The following STK32C variants were observed in gnomAD, a reference collection of about 807,000 sequenced individuals.
The protein encoded by STK32C is serine/threonine-protein kinase 32C.
STK32C carries 31 observed loss-of-function variants against 56.5 expected under a neutral mutation model. That is an observed-to-expected ratio of 0.55 (90% CI 0.41 to 0.74). The LOEUF is 0.74. Ranked by LOEUF, STK32C falls within the 30% of genes least tolerant of loss-of-function variation. The probability of loss-of-function intolerance (pLI) is 0.00; values close to 1 mark genes in which losing one functional copy is unlikely to be tolerated. For missense variants in STK32C, 544 were observed against 676.9 expected (o/e 0.80, Z 2.18); for synonymous variants, 309 against 289.4 (o/e 1.07, Z -0.69).
intron 1 of STK32C, among the ~76,000 whole-genome samples, chr10:132,276,463 C>T (rs1164986950): frequency 6.6e-6 from 1 of 152,286 alleles, no homozygotes; most frequent in Admixed American, 6.5e-5. Context: ...GCACTCAGAG[C>T]ATCTGCATCC....
downstream of STK32C, among the ~76,000 whole-genome samples, chr10:132,319,892 A>ATT (rs1332064904): frequency 1.4e-5 from 2 of 145,282 alleles, no homozygotes; most frequent in Non-Finnish European, 1.5e-5. Context: ...CCTTAGATGG[A>ATT]TTTTTTTTTT....
rs1465272685 is a variant in STK32C at position 132,222,947 on chromosome 10, G to A, written c.1033C>T (p.Gln345Ter). The A allele has an allele frequency of 6.4e-7, 1 of 1,553,644 alleles. No homozygotes were observed. The highest frequency in any genetic ancestry group is 8.7e-7 in the Non-Finnish European group (1 of 1,152,862). ...AGCGCCGGGGCTGCCTGCACGTCCT[G>A]GAGGCTGGAGAGCCGGTGCTCGGGG... is the stretch of plus-strand genomic sequence containing the variant. ...VNPEHRLSSL[Q>*]DVQAAPALAG... Residue 345 changes from glutamine to a stop codon, truncating the protein, a stop_gained, in exon 9 of 12, where the codon CAG becomes TAG. Transcript: ENST00000298630. LOFTEE classifies it high-confidence loss of function.
At chr10:132,298,450 C>G (rs1012117864) in intron 1 of STK32C, among the ~76,000 whole-genome samples, 2 of 152,246 alleles carry the variant, frequency 1.3e-5, no homozygotes, top group Non-Finnish European at 2.9e-5. Flanking sequence ...GTCCACAGGT[C>G]CCACGGCAGC....
chr10:132,284,329 G>A (rs191927762), intron 1 of STK32C, among the ~76,000 whole-genome samples: 2 of 34,882 alleles, frequency 5.7e-5, no homozygotes, highest in Non-Finnish European at 1.2e-4. Flanking sequence ...GTGAGGTTGG[G>A]GGGGCAGGTG....
At chr10:132,262,080 T>C (rs993123654) in intron 1 of STK32C, among the ~76,000 whole-genome samples, 7 of 152,152 alleles carry the variant, frequency 4.6e-5, no homozygotes, top group African/African-American at 1.7e-4. Flanking sequence ...AGCATGGCAC[T>C]GGTACAAAAA....
intron 1 of STK32C, among the ~76,000 whole-genome samples, chr10:132,249,526 C>T (rs1018856364): frequency 7.9e-5 from 12 of 152,104 alleles, no homozygotes; most frequent in African/African-American, 2.9e-4. Context: ...TGGTCCCTGC[C>T]GGCCATGTCC....
chr10:132,275,794 T>A (rs1590359292), intron 1 of STK32C, among the ~76,000 whole-genome samples: 1 of 152,306 alleles, frequency 6.6e-6, no homozygotes. Context: ...AACTACAGCC[T>A]TCAGCGGAAA....
At chr10:132,271,304 C>T (rs909171317) in intron 1 of STK32C, among the ~76,000 whole-genome samples, 15 of 152,010 alleles carry the variant, frequency 9.9e-5, no homozygotes, top group East Asian at 1.9e-4. Context: ...CCTACAGCAA[C>T]GGTTCCCAGG....
At position 132,307,504 on chromosome 10, in the gene STK32C, A is replaced by C; in HGVS notation, c.262+68T>G. 2 of 1,463,478 alleles carry C rather than the reference A, an allele frequency of 1.4e-6. No individual in the cohort carries two copies. The highest frequency in any genetic ancestry group is 1.8e-6 in the Non-Finnish European group (2 of 1,103,146). 90.7% of individuals were successfully genotyped at this position (1,463,478 alleles called of 1,614,324 possible). On this transcript the variant is annotated intron_variant, in intron 1 of 11. Transcript: ENST00000298630. This position sits in a 1 kb window ranked among gnomAD's most constrained non-coding sequence, Gnocchi z 4.4. ...CACCGGGGGAACCCCTGCGGGAAAA[A>C]GCCGCCCAGCCGCGCCCGCCCCTGC...
intron 1 of STK32C, among the ~76,000 whole-genome samples, chr10:132,253,908 G>A (rs59021342): frequency 0.059 from 9,055 of 152,290 alleles, 748 homozygotes; most frequent in African/African-American, 0.19. Flanking sequence ...CCGCCTCTGC[G>A]TCTAGCACTC....
intron 1 of STK32C, among the ~76,000 whole-genome samples, chr10:132,325,322 A>G (rs1040546633): frequency 2.0e-5 from 3 of 152,100 alleles, no homozygotes; most frequent in Non-Finnish European, 4.4e-5. Flanking sequence ...AGAAGCCAAG[A>G]CGGGTGGATC....
At chr10:132,227,941 G>A in intron 3 of STK32C, 36 bp downstream of exon 3, 1 of 1,607,562 alleles carries the variant, frequency 6.2e-7, no homozygotes, top group African/African-American at 1.3e-5. Flanking sequence ...CTTCAGGACG[G>A]TAAGTCTTTC....
At chr10:132,231,149 C>T (rs1174328530) in intron 2 of STK32C, among the ~76,000 whole-genome samples, 1 of 152,260 alleles carries the variant, frequency 6.6e-6, no homozygotes, top group Non-Finnish European at 1.5e-5. Flanking sequence ...TCACACGCAT[C>T]CCATCACCCA....
chr10:132,303,134 G>A (rs1010282847), intron 1 of STK32C, among the ~76,000 whole-genome samples: 3 of 152,246 alleles, frequency 2.0e-5, no homozygotes, highest in African/African-American at 7.2e-5. Flanking sequence ...GGCGCAGCCT[G>A]CCTGGGGCTC....
Position 132,224,444 on chromosome 10 carries a change from G to C in STK32C, c.956C>G (p.Pro319Arg). 1 of 1,560,670 alleles carries C rather than the reference G, an allele frequency of 6.4e-7. No individual in the cohort carries two copies. Among genetic ancestry groups the C allele is most frequent in the Non-Finnish European group, 8.7e-7 (1 of 1,152,278 alleles). ...GGCCACCATCTCCTTGGACCACGTG[G>C]GGACATACTGGACGCTCACGGTGCT... ...LFSTVSVQYVPTWSKEMVALL... is the reference protein window; with the variant it reads ...LFSTVSVQYVRTWSKEMVALL... The change falls in exon 8 of 12, where the codon CCC (proline) becomes CGC (arginine). Residue 319 changes from proline to arginine, a missense_variant. Pro to Arg is a moderately radical substitution (Grantham distance 103, BLOSUM62 -2). Coordinates refer to ENST00000298630, the MANE Select transcript of STK32C (RefSeq NM_173575.4).
At position 132,224,357 on chromosome 10, in the gene STK32C, G is replaced by A. The variant is rs751436551; in HGVS notation, c.993+50C>T. The A allele has an allele frequency of 3.7e-6, 5 of 1,369,796 alleles. No homozygotes were observed. The East Asian group carries it at 7.5e-5, about 21-fold the overall frequency. 84.9% of individuals were successfully genotyped at this position (1,369,796 alleles called of 1,614,324 possible). On this transcript the variant is annotated intron_variant, in intron 8 of 11. Coordinates refer to ENST00000298630, the MANE Select transcript of STK32C (RefSeq NM_173575.4). ...TGTCCCGAGCCGCAGGTAAGTGAGG[G>A]AGGGAGGTGGGTGCTCGGAGGGTGA... is the stretch of plus-strand genomic sequence containing the variant.
At chr10:132,217,952 C>A (rs891053103) in intron 10 of STK32C, among the ~76,000 whole-genome samples, 1 of 152,158 alleles carries the variant, frequency 6.6e-6, no homozygotes, top group African/African-American at 2.4e-5. Context: ...GTTGCCCAGG[C>A]TGGTCTCAAA....
exon 1 of STK32C, chr10:132,331,614 G>T (rs754238635): frequency 1.2e-6 from 2 of 1,612,904 alleles, no homozygotes; most frequent in South Asian, 2.2e-5. Context: ...AGCCCAGCGG[G>T]AAGGACAGGC....
chr10:132,230,660 C>G (rs112410610), intron 2 of STK32C, among the ~76,000 whole-genome samples: 1 of 83,750 alleles, frequency 1.2e-5, no homozygotes, highest in Non-Finnish European at 2.3e-5. Context: ...AGGGCTCTTG[C>G]TGCTGGGGGG....
Sources: allele counts gnomAD v4.1 joint callset (sites outside exome capture counted in the v4.1 genomes callset), GRCh38; gene constraint gnomAD v4.1.1; non-coding constraint Gnocchi (gnomAD v3.1); transcripts MANE v1.5; gene names NCBI Gene and HGNC (gene_info 2026-07-23, HGNC 2026-07-21).